The following TMEM94 variants were observed in gnomAD, a reference collection of about 807,000 sequenced individuals.
TMEM94 encodes ER Mg2+ ATPase.
A neutral mutation model predicts 158.6 loss-of-function variants in TMEM94; 81 were observed. The ratio of observed to expected loss-of-function variants is 0.51; its 90% CI spans 0.43 to 0.61. The LOEUF (loss-of-function observed/expected upper bound fraction) is 0.61. Ranked by LOEUF, TMEM94 falls within the 20% of genes least tolerant of loss-of-function variation. The probability of loss-of-function intolerance (pLI) is 0.00; values close to 1 mark genes in which losing one functional copy is unlikely to be tolerated. For synonymous variants in TMEM94, 751 were observed against 730.7 expected, an observed-to-expected ratio of 1.03 and a Z score of -0.45; for missense variants, 1,435 against 1,762.0, an observed-to-expected ratio of 0.81 and a Z score of 3.32.
chr17:75,457,350 C>G (rs546944699), intron 1 of TMEM94: 1 of 152,384 alleles, frequency 6.6e-6, no homozygotes, highest in Admixed American at 6.5e-5. Context: ...AAAGTGACTC[C>G]TGTGGAATGC....
At position 75,499,081 on chromosome 17, in the gene TMEM94, C is replaced by A. The variant is rs756284172; in HGVS notation, c.3997C>A (p.Arg1333=). The part of the protein sequence containing the change: ...TNEIVKLHEI[R]VRVRYQKRQK... ...TGAGATCGTGAAGCTACATGAGATT[C>A]GGTGAGCTGTCAGCAGGGCGCCTCC... The change falls in exon 31 of 32, where the codon CGG becomes AGG. Residue 1333 remains arginine (R), a splice_region_variant and synonymous_variant. Transcript: ENST00000314256. 1.3e-6 allele frequency: 2 copies of A among 1,581,710 alleles called. No homozygotes were observed. Among genetic ancestry groups the A allele is most frequent in the Non-Finnish European group, 1.7e-6 (2 of 1,162,886 alleles).
chr17:75,459,123 G>C (rs976144248), intron 1 of TMEM94, among the ~76,000 whole-genome samples: 1 of 149,618 alleles, frequency 6.7e-6, no homozygotes, highest in African/African-American at 2.5e-5. Flanking sequence ...CCCTAGAACA[G>C]GAGACAGCAT....
At position 75,495,111 on chromosome 17, in the gene TMEM94, C is replaced by T; in HGVS notation, c.2728+77C>T. On this transcript the variant is annotated intron_variant, in intron 20 of 31. Transcript: ENST00000314256. The surrounding 1 kb of genome is among the most constrained non-coding windows in gnomAD (Gnocchi z 5.6). Reference sequence around the variant, plus strand: ...TCCTCAGAGCCACAGCCAGGAAGAGCCTCCGGAGAGCCCTCCAGTTAAGTA... The same window carrying T: ...TCCTCAGAGCCACAGCCAGGAAGAGTCTCCGGAGAGCCCTCCAGTTAAGTA... 6.4e-7 allele frequency: 1 copy of T among 1,562,180 alleles called. No homozygotes were observed. Among genetic ancestry groups the T allele is most frequent in the Non-Finnish European group, 8.7e-7 (1 of 1,150,362 alleles).
chr17:75,490,434 A>C, intron 10 of TMEM94, 84 bp downstream of exon 10: 1 of 1,472,924 alleles, frequency 6.8e-7, no homozygotes, highest in Non-Finnish European at 9.2e-7. Context: ...GCAGAAGTCC[A>C]GCCCCACCTT....
chr17:75,473,812 G>A (rs2050578800), intron 2 of TMEM94, among the ~76,000 whole-genome samples: 1 of 152,160 alleles, frequency 6.6e-6, no homozygotes, highest in South Asian at 2.1e-4. Flanking sequence ...TTGTCTAGTA[G>A]AGGAATTGAT....
intron 2 of TMEM94, among the ~76,000 whole-genome samples, chr17:75,472,604 G>A (rs555203622): frequency 3.9e-5 from 6 of 152,156 alleles, no homozygotes; most frequent in East Asian, 3.9e-4. Context: ...CAGGAGAATC[G>A]CTTGAACCCA....
At chr17:75,464,923 T>G (rs1245121711) in intron 1 of TMEM94, among the ~76,000 whole-genome samples, 1 of 151,796 alleles carries the variant, frequency 6.6e-6, no homozygotes, top group South Asian at 2.1e-4. Context: ...GGTCTTGAAC[T>G]CCCGACCTCA....
chr17:75,482,759 GCATTCATT>G (rs889101768), intron 2 of TMEM94, among the ~76,000 whole-genome samples: 1 of 152,122 alleles, frequency 6.6e-6, no homozygotes, highest in Admixed American at 6.5e-5. Flanking sequence ...TGGGATCATT[GCATTCATT>G]CATTCATTCA....
rs2051513990 is a variant in TMEM94 at position 75,485,479 on chromosome 17, C to T, written c.76C>T (p.Leu26=). The T allele has an allele frequency of 5.0e-6, 8 of 1,614,174 alleles. No homozygotes were observed. The highest frequency in any genetic ancestry group is 6.8e-6 in the Non-Finnish European group (8 of 1,180,002). The change falls in exon 3 of 32, where the codon CTG becomes TTG. Residue 26 remains leucine, a synonymous_variant. Coordinates refer to ENST00000314256, the MANE Select transcript of TMEM94 (RefSeq NM_014738.6). This position sits in a 1 kb window ranked among gnomAD's most constrained non-coding sequence, Gnocchi z 5.5. ...GTCCACGCGGAAGGCCCTCAGCGTC[C>T]TGAAGGAGCAGCTGGAGGCAGTGCT... ...GLSTRKALSV[L]KEQLEAVLEG...
intron 2 of TMEM94, among the ~76,000 whole-genome samples, chr17:75,477,317 G>A (rs1227014219): frequency 1.3e-5 from 2 of 152,214 alleles, no homozygotes; most frequent in Admixed American, 6.5e-5. Context: ...TCAGAAGAGT[G>A]TATAGTGGCT....
At chr17:75,464,726 G>C (rs1423428977) in intron 1 of TMEM94, among the ~76,000 whole-genome samples, 1 of 133,830 alleles carries the variant, frequency 7.5e-6, no homozygotes, top group African/African-American at 2.9e-5. Context: ...TTTCTTTCTT[G>C]AGACGGAGTT....
In TMEM94 at chr17:75,491,452, C is replaced by G; in HGVS notation, c.1383C>G (p.Pro461=). The change falls in exon 13 of 32, where the codon CCC becomes CCG. Residue 461 remains proline, a synonymous_variant. Transcript: ENST00000314256. This position sits in a 1 kb window ranked among gnomAD's most constrained non-coding sequence, Gnocchi z 5.1. ...DGLSTRSFCH[P]EPHERDALLA... ...TATCCACCCGCTCCTTCTGCCATCC[C>G]GAGGTAGAGGAGGAGGTACGGCCGG... 6.2e-7 allele frequency: 1 copy of G among 1,614,082 alleles called. No individual in the cohort carries two copies. Among genetic ancestry groups the G allele is most frequent in the Non-Finnish European group, 8.5e-7 (1 of 1,180,014 alleles).
intron 1 of TMEM94, among the ~76,000 whole-genome samples, chr17:75,467,970 C>G (rs1420979830): frequency 6.6e-6 from 1 of 152,096 alleles, no homozygotes; most frequent in South Asian, 2.1e-4. Context: ...TTATACTAGA[C>G]CCCCTGCATA....
chr17:75,460,153 G>C (rs558777168), intron 1 of TMEM94, among the ~76,000 whole-genome samples: 1 of 152,236 alleles, frequency 6.6e-6, no homozygotes, highest in Admixed American at 6.5e-5. Context: ...GCTTGCTTTG[G>C]GTTTCTCTAG....
In TMEM94 at chr17:75,485,601, G is replaced by A; in HGVS notation, c.144+54G>A. 3 of 1,611,694 alleles carry A rather than the reference G, an allele frequency of 1.9e-6. No individual in the cohort carries two copies. The South Asian group carries it at 3.3e-5, about 18-fold the overall frequency. On this transcript the variant is annotated intron_variant, in intron 3 of 31. Coordinates refer to ENST00000314256, the MANE Select transcript of TMEM94 (RefSeq NM_014738.6). The surrounding 1 kb of genome is among the most constrained non-coding windows in gnomAD (Gnocchi z 5.5). The stretch of plus-strand genomic sequence containing the variant: ...CCTGGCTGGGATGGCAGGGAAGTGT[G>A]GGAGGCCCCTTCTCAGGACTCTGAT...
chr17:75,467,534 T>TG (rs2050348548), intron 1 of TMEM94, among the ~76,000 whole-genome samples: 2 of 141,230 alleles, frequency 1.4e-5, no homozygotes, highest in Admixed American at 1.4e-4. Flanking sequence ...TTTTTTTTTT[T>TG]TTTTTTTTTG....
At chr17:75,488,490 C>T (rs1200300091) in intron 6 of TMEM94, among the ~76,000 whole-genome samples, 1 of 152,170 alleles carries the variant, frequency 6.6e-6, no homozygotes, top group Non-Finnish European at 1.5e-5. Flanking sequence ...GCATGTTGGC[C>T]AGGCTGGTTT....
chr17:75,462,725 C>T (rs2050119327), intron 1 of TMEM94, among the ~76,000 whole-genome samples: 2 of 148,768 alleles, frequency 1.3e-5, no homozygotes, highest in Admixed American at 6.8e-5. Context: ...CTCAGTGGCT[C>T]ATATCTGTAA....
rs769978307 is a variant in TMEM94, at chr17:75,491,023, C to T, written c.1129-26C>T. ...GAAATGAGGCTGAGCCCTAAATGGC[C>T]TTGCAGACTTCCTCTCTCCCACCAG... On this transcript the variant is annotated intron_variant, in intron 11 of 31. Transcript: ENST00000314256. The surrounding 1 kb of genome is among the most constrained non-coding windows in gnomAD (Gnocchi z 5.1). The T allele has an allele frequency of 3.2e-6, 5 of 1,564,398 alleles. No homozygotes were observed. Among genetic ancestry groups the T allele is most frequent in the Admixed American group, 1.7e-5 (1 of 57,286 alleles).
Sources: gnomAD v4.1 joint callset for allele counts (sites outside exome capture counted in the v4.1 genomes callset) on GRCh38, gnomAD v4.1.1 for gene constraint, Gnocchi (gnomAD v3.1) non-coding constraint, MANE v1.5 for transcripts, NCBI Gene and HGNC (gene_info 2026-07-23, HGNC 2026-07-21) for gene names.